The following ADAMTSL1 variants were observed in gnomAD, a reference collection of about 807,000 sequenced individuals.
The protein encoded by ADAMTSL1 is ADAMTS-like protein 1.
Under a neutral mutation model 201.8 loss-of-function variants are expected in ADAMTSL1, and 126 were observed. The ratio of observed to expected loss-of-function variants is 0.62; its 90% CI spans 0.54 to 0.72. The LOEUF is 0.72. Among genes scored for constraint, ADAMTSL1 ranks in the 30% least tolerant of loss-of-function variants. ADAMTSL1 has a pLI of 0.00. For synonymous variants in ADAMTSL1, 1,121 were observed against 903.4 expected (o/e 1.24, Z -4.32); for missense variants, 2,679 against 2,277.8 (o/e 1.18, Z -3.59).
intron 1 of ADAMTSL1, among the ~76,000 whole-genome samples, chr9:18,068,205 A>T (rs1406927825): frequency 6.6e-6 from 1 of 152,154 alleles, no homozygotes; most frequent in African/African-American, 2.4e-5. Context: ...TCTTCCCATC[A>T]GTGAGAGTGT....
intron 2 of ADAMTSL1, among the ~76,000 whole-genome samples, chr9:18,225,483 A>G (rs186035104): frequency 6.6e-6 from 1 of 152,276 alleles, no homozygotes; most frequent in African/African-American, 2.4e-5. Context: ...CAAAAAGTAC[A>G]TATTTATTTT....
chr9:17,919,458 G>C (rs1381787700), intron 1 of ADAMTSL1, among the ~76,000 whole-genome samples: 1 of 151,844 alleles, frequency 6.6e-6, no homozygotes, highest in Non-Finnish European at 1.5e-5. Context: ...AAGAAATCTT[G>C]TACCCTTTAT....
intron 2 of ADAMTSL1, among the ~76,000 whole-genome samples, chr9:18,265,013 T>C (rs1205042805): frequency 1.3e-5 from 2 of 152,230 alleles, no homozygotes; most frequent in Non-Finnish European, 2.9e-5. Flanking sequence ...CATAGCACAG[T>C]ACCTGGCCTA....
chr9:18,699,095 G>C (rs1402388880), intron 13 of ADAMTSL1, among the ~76,000 whole-genome samples: 1 of 152,172 alleles, frequency 6.6e-6, no homozygotes, highest in African/African-American at 2.4e-5. Context: ...CTAGCATAAA[G>C]TCTCTTTGAA....
intron 1 of ADAMTSL1, among the ~76,000 whole-genome samples, chr9:18,082,835 T>G (rs1236364747): frequency 2.0e-5 from 3 of 152,116 alleles, no homozygotes; most frequent in Non-Finnish European, 2.9e-5. Context: ...ATGCCTGGCC[T>G]CCAGTACCTA....
chr9:18,482,096 C>G (rs1434477880), intron 1 of ADAMTSL1, among the ~76,000 whole-genome samples: 1 of 152,174 alleles, frequency 6.6e-6, no homozygotes, highest in Non-Finnish European at 1.5e-5. Flanking sequence ...ACCTAAAGTT[C>G]TTATTAAAAT....
At chr9:18,548,152 A>G (rs1241941445) in intron 3 of ADAMTSL1, among the ~76,000 whole-genome samples, 1 of 151,954 alleles carries the variant, frequency 6.6e-6, no homozygotes, top group African/African-American at 2.4e-5. Context: ...CCCCCAAATC[A>G]ACACTTATGG....
At chr9:18,436,342 C>T (rs1301366969) in intron 2 of ADAMTSL1, among the ~76,000 whole-genome samples, 4 of 152,204 alleles carry the variant, frequency 2.6e-5, no homozygotes, top group African/African-American at 9.6e-5. Context: ...CTCTGGACCA[C>T]ATCCCATGCA....
At chr9:18,543,287 G>C (rs766759939) in intron 3 of ADAMTSL1, among the ~76,000 whole-genome samples, 1 of 151,940 alleles carries the variant, frequency 6.6e-6, no homozygotes, top group Non-Finnish European at 1.5e-5. Flanking sequence ...TAGAACAAAA[G>C]GATGTTCTTT....
intron 2 of ADAMTSL1, among the ~76,000 whole-genome samples, chr9:18,259,234 T>C (rs1449544273): frequency 6.6e-6 from 1 of 152,192 alleles, no homozygotes; most frequent in Non-Finnish European, 1.5e-5. Flanking sequence ...AAGGCCCATA[T>C]AGCCAACCAC....
intron 4 of ADAMTSL1, among the ~76,000 whole-genome samples, chr9:18,596,272 G>T (rs1178655097): frequency 2.0e-5 from 3 of 152,116 alleles, no homozygotes; most frequent in Non-Finnish European, 4.4e-5. Flanking sequence ...GTAGTGATGA[G>T]ATTCAAACAA....
intron 1 of ADAMTSL1, among the ~76,000 whole-genome samples, chr9:17,923,647 AC>A (rs1485858547): frequency 2.0e-5 from 2 of 98,464 alleles, no homozygotes; most frequent in Non-Finnish European, 4.0e-5. Context: ...CCTGGCCAGA[AC>A]TTCCAACACT....
chr9:17,937,697 T>A (rs2131337308), intron 1 of ADAMTSL1, among the ~76,000 whole-genome samples: 1 of 127,272 alleles, frequency 7.9e-6, no homozygotes, highest in South Asian at 2.6e-4. Context: ...TGTGCACTGC[T>A]GGCCATATAT....
At chr9:18,426,639 A>G (rs1388596760) in intron 2 of ADAMTSL1, among the ~76,000 whole-genome samples, 2 of 152,122 alleles carry the variant, frequency 1.3e-5, no homozygotes, top group Non-Finnish European at 2.9e-5. Flanking sequence ...GTAACCCATC[A>G]AAGATCACAG....
At chr9:18,530,767 A>C (rs1313539948) in intron 2 of ADAMTSL1, among the ~76,000 whole-genome samples, 1 of 152,214 alleles carries the variant, frequency 6.6e-6, no homozygotes, top group Non-Finnish European at 1.5e-5. Context: ...GTTAATTCTC[A>C]TAATTCCAGG....
intron 2 of ADAMTSL1, among the ~76,000 whole-genome samples, chr9:18,297,697 G>T (rs945221120): frequency 5.9e-5 from 9 of 152,188 alleles, no homozygotes; most frequent in Non-Finnish European, 1.3e-4. Flanking sequence ...AGCCCCCTAG[G>T]GGTGAGTAGT....
rs1014822526 is a variant in ADAMTSL1 at position 18,426,189 on chromosome 9, A to G, written c.208-78640A>G. ...ACTACTTGGTTAAGAAAAAAATCCC[A>G]GGGATAGGAGGGAGAATCCCTGCCT... is the stretch of plus-strand genomic sequence containing the variant. On this transcript the variant is annotated intron_variant, in intron 2 of 29. Transcript: ENST00000680146. 6.6e-5 allele frequency among the ~76,000 whole-genome samples: 10 copies of G among 152,096 alleles called. No homozygotes were observed. In the South Asian group the frequency reaches 1.7e-3, roughly 25 times the overall value.
chr9:18,181,771 G>A (rs1382945651), intron 2 of ADAMTSL1, among the ~76,000 whole-genome samples: 2 of 151,536 alleles, frequency 1.3e-5, no homozygotes, highest in African/African-American at 2.4e-5. Flanking sequence ...ATTTGACCCA[G>A]CCATCCCATT....
At chr9:18,681,697 T>TGTCG (rs370940110) in intron 11 of ADAMTSL1, 115 bp from the exon 12 acceptor site, 1 of 219,150 alleles carries the variant, frequency 4.6e-6, no homozygotes, top group African/African-American at 6.8e-5. Context: ...AGTCCTCGTG[T>TGTCG]GGGGGGGGGG....
Sources: gnomAD v4.1 joint callset for allele counts (sites outside exome capture counted in the v4.1 genomes callset) on GRCh38, gnomAD v4.1.1 for gene constraint, MANE v1.5 for transcripts, NCBI Gene and HGNC (gene_info 2026-07-23, HGNC 2026-07-21) for gene names.